Variants in NFYA observed in about 807,000 individuals in gnomAD.
NFYA encodes the protein CAAT-box DNA binding protein subunit A.
A neutral mutation model predicts 52.8 loss-of-function variants in NFYA; 28 were observed. That is an observed-to-expected ratio of 0.53 (90% CI 0.39 to 0.73). The LOEUF is 0.73. Ranked by LOEUF, NFYA falls within the 30% of genes least tolerant of loss-of-function variation. NFYA has a pLI of 0.00. For missense variants in NFYA, 234 were observed against 427.0 expected (o/e 0.55, Z 3.98); for synonymous variants, 150 against 150.7 (o/e 1.00, Z 0.03).
At position 41,094,474 on chromosome 6, in the gene NFYA, G is replaced by A; in HGVS notation, c.967G>A (p.Glu323Lys). 1 of 1,614,106 alleles carries A rather than the reference G, an allele frequency of 6.2e-7. No individual in the cohort carries two copies. The highest frequency in any genetic ancestry group is 8.5e-7 in the Non-Finnish European group (1 of 1,179,908). The change falls in exon 9 of 10, where the codon GAA becomes AAA. Residue 323 changes from glutamate (E) to lysine (K), a missense_variant. Coordinates refer to ENST00000341376, the MANE Select transcript of NFYA (RefSeq NM_002505.5). The stretch of plus-strand genomic sequence containing the variant: ...AGGTGGACGATTTTTCTCTCCAAAG[G>A]AAAAGGATAGTCCCCATATGCAGGT... Reference protein sequence around the residue: ...GEGGRFFSPKEKDSPHMQDPN... With the variant: ...GEGGRFFSPKKKDSPHMQDPN...
At position 41,090,272 on chromosome 6, in the gene NFYA, T is replaced by C. The variant is rs766811107; in HGVS notation, c.510T>C (p.Tyr170=). Reference sequence around the variant, plus strand: ...CTGCTGAAGGGCAGACCATCGTCTATCAACCAGTTAATGCAGATGGCACCA... The same window carrying C: ...CTGCTGAAGGGCAGACCATCGTCTACCAACCAGTTAATGCAGATGGCACCA... ...AQTAEGQTIV[Y]QPVNADGTIL... The change falls in exon 6 of 10, where the codon TAT becomes TAC. Residue 170 remains tyrosine, a synonymous_variant. Transcript: ENST00000341376. 2.5e-6 allele frequency: 4 copies of C among 1,613,934 alleles called. No individual in the cohort carries two copies. Among genetic ancestry groups the C allele is most frequent in the Non-Finnish European group, 3.4e-6 (4 of 1,179,976 alleles).
intron 3 of NFYA, 70 bp from the exon 4 acceptor site, chr6:41,083,976 T>C (rs1763977761): frequency 1.2e-5 from 17 of 1,442,056 alleles, no homozygotes; most frequent in Admixed American, 2.3e-5. Flanking sequence ...ATAGTTCCAG[T>C]GATTGTCTTT....
chr6:41,091,380 G>T, intron 6 of NFYA, 148 bp from the exon 7 acceptor site: 1 of 687,938 alleles, frequency 1.5e-6, no homozygotes. Context: ...CACCACAGTG[G>T]GAGAGTACTT....
chr6:41,075,076 T>A (rs1263074182), intron 1 of NFYA, among the ~76,000 whole-genome samples: 2 of 152,242 alleles, frequency 1.3e-5, no homozygotes, highest in Non-Finnish European at 2.9e-5. Context: ...AGTTTTTCAT[T>A]GTTGCTTAAG....
intron 1 of NFYA, among the ~76,000 whole-genome samples, 153 bp from the exon 2 acceptor site, chr6:41,078,876 C>A (rs931260977): frequency 1.3e-5 from 2 of 152,176 alleles, no homozygotes; most frequent in African/African-American, 4.8e-5. Flanking sequence ...GCCATGTAAT[C>A]CCAGTTAAAA....
intron 1 of NFYA, among the ~76,000 whole-genome samples, chr6:41,077,029 A>G (rs1304431762): frequency 6.6e-6 from 1 of 152,230 alleles, no homozygotes; most frequent in Non-Finnish European, 1.5e-5. Flanking sequence ...TATTACCAGA[A>G]TAAACTAGTT....
chr6:41,089,602 G>T lies in NFYA; in HGVS notation c.333G>T (p.Gln111His). ...LQQIQLVPPG[Q>H]IQIQGGQAVQ... ...AGATACAGTTGGTCCCACCTGGACA[G>T]ATCCAGATCCAGGGTGGACAGGCTG... Residue 111 changes from glutamine (Q) to histidine (H), a missense_variant, in exon 5 of 10, where the codon CAG becomes CAT. Coordinates refer to ENST00000341376, the MANE Select transcript of NFYA (RefSeq NM_002505.5). 1 of 1,612,546 alleles carries T rather than the reference G, an allele frequency of 6.2e-7. No homozygotes were observed.
chr6:41,086,376 T>A (rs908707554), intron 4 of NFYA, among the ~76,000 whole-genome samples: 1 of 152,232 alleles, frequency 6.6e-6, no homozygotes, highest in Non-Finnish European at 1.5e-5. Context: ...ATAAGGAACC[T>A]TCAAATAGTT....
At chr6:41,080,677 A>C (rs1438179105) in intron 2 of NFYA, 134 bp from the exon 3 acceptor site, 3 of 625,436 alleles carry the variant, frequency 4.8e-6, no homozygotes, top group Non-Finnish European at 8.4e-6. Flanking sequence ...AAACAGCTTC[A>C]ATATAGGGAG....
chr6:41,084,045 G>A lies in NFYA; in HGVS notation c.163-1G>A, dbSNP rs1763979006. Reference sequence around the variant, plus strand: ...ATTGTTCTTATTTTATTTCATTCTAGGTCCAAGGGCAGCCATTAATGGTGC... The same window carrying A: ...ATTGTTCTTATTTTATTTCATTCTAAGTCCAAGGGCAGCCATTAATGGTGC... On this transcript the variant is annotated splice_acceptor_variant, in intron 3 of 9. Coordinates refer to ENST00000341376, the MANE Select transcript of NFYA (RefSeq NM_002505.5). LOFTEE classifies it high-confidence loss of function. 1.3e-6 allele frequency: 2 copies of A among 1,588,298 alleles called. No homozygotes were observed. Among genetic ancestry groups the A allele is most frequent in the Non-Finnish European group, 1.7e-6 (2 of 1,169,578 alleles).
Position 41,098,525 on chromosome 6 carries a change from A to C in NFYA, c.*1115A>C, listed in dbSNP as rs1764419965. On this transcript the variant is annotated 3_prime_UTR_variant, in exon 10 of 10. Coordinates refer to ENST00000341376, the MANE Select transcript of NFYA (RefSeq NM_002505.5). ...ACCTTTAACAAGCACTGAAAGGAAG[A>C]AGCCTGAGATTTGATCCTTGACAAT... The C allele has an allele frequency of 6.6e-6, 1 of 152,570 alleles. No homozygotes were observed. Among genetic ancestry groups the C allele is most frequent in the South Asian group, 2.1e-4 (1 of 4,834 alleles). 9.5% of individuals were successfully genotyped at this position (152,570 alleles called of 1,614,324 possible).
intron 1 of NFYA, among the ~76,000 whole-genome samples, chr6:41,077,449 G>T (rs1407765807): frequency 6.6e-6 from 1 of 152,090 alleles, no homozygotes; most frequent in Admixed American, 6.5e-5. Context: ...TCTGTCTCTA[G>T]ATTACTGATG....
At chr6:41,088,856 T>C (rs1764118456) in intron 4 of NFYA, among the ~76,000 whole-genome samples, 1 of 152,144 alleles carries the variant, frequency 6.6e-6, no homozygotes, top group African/African-American at 2.4e-5. Flanking sequence ...GCTGGGATTA[T>C]GGGCATAAGC....
At position 41,099,911 on chromosome 6, in the gene NFYA, G is replaced by A. The variant is rs1280418675; in HGVS notation, c.*2501G>A. The A allele has an allele frequency of 1.3e-5, 2 of 151,986 alleles. No individual in the cohort carries two copies. Among genetic ancestry groups the A allele is most frequent in the Non-Finnish European group, 2.9e-5 (2 of 67,998 alleles). 9.4% of individuals were successfully genotyped at this position (151,986 alleles called of 1,614,324 possible). A position where few individuals can be genotyped will look rare whatever the true frequency, so the allele number is the denominator to read the frequency against. ...CCCCCAGCAGTATGGGGGCGTACAG[G>A]TGATCGATCATTAATGTCATTGCAA... On this transcript the variant is annotated 3_prime_UTR_variant, in exon 10 of 10. Transcript: ENST00000341376.
chr6:41,098,623 T>C lies in NFYA; in HGVS notation c.*1213T>C, dbSNP rs1165207762. 2 of 152,702 alleles carry C rather than the reference T, an allele frequency of 1.3e-5. No individual in the cohort carries two copies. The highest frequency in any genetic ancestry group is 4.8e-5 in the African/African-American group (2 of 41,458). The allele number at this position is 152,702 out of a possible 1,614,324, so 9.5% of individuals were successfully genotyped here. ...TACCCACTAAAGCTTGAGGTGGATG[T>C]TGGCTTCACTCCTGCAGCACAATGC... On this transcript the variant is annotated 3_prime_UTR_variant, in exon 10 of 10. Transcript: ENST00000341376.
intron 1 of NFYA, among the ~76,000 whole-genome samples, chr6:41,078,419 C>G (rs1247040219): frequency 6.6e-6 from 1 of 152,176 alleles, no homozygotes; most frequent in Non-Finnish European, 1.5e-5. Flanking sequence ...GACCTATCTA[C>G]ATTTTTGTTT....
At chr6:41,078,520 G>T (rs1048504431) in intron 1 of NFYA, among the ~76,000 whole-genome samples, 3 of 152,104 alleles carry the variant, frequency 2.0e-5, no homozygotes, top group African/African-American at 7.2e-5. Flanking sequence ...TTTATTAAAG[G>T]TTCTCAGATA....
chr6:41,097,656 T>C lies in NFYA; in HGVS notation c.*246T>C. On this transcript the variant is annotated 3_prime_UTR_variant, in exon 10 of 10. Coordinates refer to ENST00000341376, the MANE Select transcript of NFYA (RefSeq NM_002505.5). ...GACTGTTGATGACATTGACATTTCA[T>C]GGATTCGGATGATGCAAGGAGACAC... 1 of 434,420 alleles carries C rather than the reference T, an allele frequency of 2.3e-6. No individual in the cohort carries two copies. Among genetic ancestry groups the C allele is most frequent in the South Asian group, 2.9e-5 (1 of 34,880 alleles). 26.9% of individuals were successfully genotyped at this position (434,420 alleles called of 1,614,324 possible).
chr6:41,079,408 G>T (rs544146341), intron 2 of NFYA, among the ~76,000 whole-genome samples: 90 of 152,232 alleles, frequency 5.9e-4, no homozygotes, highest in Admixed American at 1.7e-3. Context: ...ATCTAGTCTG[G>T]TTTTCAGATG....
Sources: gnomAD v4.1 joint callset for allele counts (sites outside exome capture counted in the v4.1 genomes callset) on GRCh38, gnomAD v4.1.1 for gene constraint, MANE v1.5 for transcripts, NCBI Gene and HGNC (gene_info 2026-07-23, HGNC 2026-07-21) for gene names.